The following FSTL5 variants were observed in gnomAD, a reference collection of about 807,000 sequenced individuals.
The protein encoded by FSTL5 is follistatin like 5.
Under a neutral mutation model 89.1 loss-of-function variants are expected in FSTL5, and 62 were observed. The observed-to-expected ratio is 0.70, with a 90% CI of 0.57 to 0.86. The LOEUF (loss-of-function observed/expected upper bound fraction) is 0.86. FSTL5 is among the 40% of genes least tolerant of loss of function. FSTL5 has a pLI of 0.00. For missense variants in FSTL5, 1,057 were observed against 1,001.6 expected (o/e 1.06, Z -0.75); for synonymous variants, 383 against 346.2 (o/e 1.11, Z -1.18).
intron 1 of FSTL5, among the ~76,000 whole-genome samples, chr4:162,150,234 TG>T (rs1310070311): frequency 6.6e-6 from 1 of 152,154 alleles, no homozygotes; most frequent in Non-Finnish European, 1.5e-5. Context: ...TCAGTTTACA[TG>T]GAAAATATAA....
chr4:162,079,486 CT>C (rs754941149), intron 2 of FSTL5, among the ~76,000 whole-genome samples: 56 of 151,532 alleles, frequency 3.7e-4, no homozygotes, highest in Non-Finnish European at 6.9e-4. Flanking sequence ...CTATTATAGA[CT>C]TTTCTGTATG....
At chr4:161,873,224 C>A (rs1188713528) in intron 4 of FSTL5, among the ~76,000 whole-genome samples, 1 of 152,030 alleles carries the variant, frequency 6.6e-6, no homozygotes, top group Non-Finnish European at 1.5e-5. Flanking sequence ...ACCCTGCACA[C>A]CTAATATGGC....
At chr4:162,000,620 C>A (rs1391434387) in intron 3 of FSTL5, among the ~76,000 whole-genome samples, 4 of 149,814 alleles carry the variant, frequency 2.7e-5, no homozygotes, top group South Asian at 2.1e-4. Context: ...ACAAAAACAA[C>A]AACAACAACA....
At chr4:161,882,849 A>G (rs1404343079) in intron 4 of FSTL5, among the ~76,000 whole-genome samples, 2 of 152,140 alleles carry the variant, frequency 1.3e-5, no homozygotes, top group African/African-American at 4.8e-5. Context: ...AGCAAGCAGC[A>G]TTAGCAGTAG....
At chr4:161,434,041 G>GA (rs1732473376) in intron 15 of FSTL5, among the ~76,000 whole-genome samples, 1 of 151,902 alleles carries the variant, frequency 6.6e-6, no homozygotes, top group African/African-American at 2.4e-5. Context: ...TCTCGAAACA[G>GA]AAAAAAGAAA....
intron 2 of FSTL5, among the ~76,000 whole-genome samples, chr4:162,087,717 C>G (rs1025884452): frequency 2.0e-5 from 3 of 152,078 alleles, no homozygotes; most frequent in Non-Finnish European, 2.9e-5. Flanking sequence ...TTCTGAATTA[C>G]TATGGACCTT....
intron 3 of FSTL5, among the ~76,000 whole-genome samples, chr4:161,984,864 C>A (rs1350288749): frequency 5.3e-5 from 8 of 151,972 alleles, no homozygotes; most frequent in Non-Finnish European, 7.4e-5. Flanking sequence ...GATTCCTTGG[C>A]CCTAGTCAGA....
At chr4:161,504,723 T>A (rs980911272) in intron 11 of FSTL5, among the ~76,000 whole-genome samples, 1 of 151,972 alleles carries the variant, frequency 6.6e-6, no homozygotes, top group Admixed American at 6.6e-5. Flanking sequence ...ATTGTACCCT[T>A]AAATACATGA....
chr4:162,112,190 G>C (rs1731470345), intron 1 of FSTL5, among the ~76,000 whole-genome samples: 2 of 152,118 alleles, frequency 1.3e-5, no homozygotes, highest in African/African-American at 4.8e-5. Flanking sequence ...CTGTGACAGA[G>C]AGCAGCTTTT....
intron 6 of FSTL5, among the ~76,000 whole-genome samples, chr4:161,745,876 C>T (rs1274782777): frequency 6.6e-6 from 1 of 152,026 alleles, no homozygotes; most frequent in Admixed American, 6.5e-5. Context: ...GTACATACAC[C>T]ATTAAACATG....
chr4:161,755,154 G>C (rs1740526611), intron 6 of FSTL5, among the ~76,000 whole-genome samples: 1 of 151,896 alleles, frequency 6.6e-6, no homozygotes, highest in Admixed American at 6.6e-5. Context: ...GACAAGGCAT[G>C]ATATGAAATA....
intron 4 of FSTL5, among the ~76,000 whole-genome samples, chr4:161,866,159 G>T (rs896723834): frequency 6.6e-6 from 1 of 152,144 alleles, no homozygotes; most frequent in South Asian, 2.1e-4. Flanking sequence ...TTACACTCCA[G>T]ACCCAACATT....
intron 7 of FSTL5, among the ~76,000 whole-genome samples, chr4:161,655,289 C>CT (rs1051437038): frequency 1.1e-4 from 16 of 148,776 alleles, no homozygotes; most frequent in South Asian, 4.3e-4. Context: ...CTTCTGAGAG[C>CT]TTTTTTTTTT....
chr4:162,014,109 TGTGGAGGCAAGTGG>T (rs1736847871), intron 3 of FSTL5, among the ~76,000 whole-genome samples: 1 of 152,188 alleles, frequency 6.6e-6, no homozygotes. Context: ...ACCCTGCATC[TGTGGAGGCAAGTGG>T]GAGGCTCAGG....
intron 4 of FSTL5, among the ~76,000 whole-genome samples, chr4:161,835,837 C>G (rs1437626741): frequency 6.6e-6 from 1 of 150,936 alleles, no homozygotes; most frequent in Admixed American, 6.6e-5. Flanking sequence ...GAAATAGGAA[C>G]ACTTTTACAC....
At chr4:161,835,148 G>A (rs1307776042) in intron 4 of FSTL5, among the ~76,000 whole-genome samples, 8,662 of 142,876 alleles carry the variant, frequency 0.061, 322 homozygotes, top group African/African-American at 0.11. Context: ...AAATAACGCT[G>A]CATATCTACA....
intron 2 of FSTL5, among the ~76,000 whole-genome samples, chr4:162,074,612 G>A (rs574078516): frequency 6.6e-6 from 1 of 151,798 alleles, no homozygotes; most frequent in East Asian, 1.9e-4. Context: ...GTGTAAGCAA[G>A]TCTCAGATCT....
At chr4:161,495,891 GT>G (rs1254185770) in intron 12 of FSTL5, among the ~76,000 whole-genome samples, 1 of 151,976 alleles carries the variant, frequency 6.6e-6, no homozygotes, top group Admixed American at 6.6e-5. Context: ...ACACATTAGC[GT>G]TTTTTCTGTA....
chr4:161,413,199 T>G (rs1560882531), intron 15 of FSTL5, among the ~76,000 whole-genome samples: 1 of 119,376 alleles, frequency 8.4e-6, no homozygotes, highest in African/African-American at 3.4e-5. Context: ...ATAGGGAACT[T>G]AAATCAATAG....
Sources: allele counts gnomAD v4.1 joint callset (sites outside exome capture counted in the v4.1 genomes callset), GRCh38; gene constraint gnomAD v4.1.1; transcripts MANE v1.5; gene names NCBI Gene and HGNC (gene_info 2026-07-23, HGNC 2026-07-21).